XPO4: variants seen among roughly 807,000 people sequenced by gnomAD.
XPO4 encodes exportin-4.
In XPO4, 39 loss-of-function variants were observed where a neutral mutation model predicts 143.0. That is an observed-to-expected ratio of 0.27 (90% confidence interval 0.21 to 0.36). The LOEUF is 0.36. Ranked by LOEUF, XPO4 falls within the 10% of genes least tolerant of loss-of-function variation. The probability of loss-of-function intolerance (pLI) is 1.00; values close to 1 mark genes in which losing one functional copy is unlikely to be tolerated. For missense variants in XPO4, 907 were observed against 1,348.0 expected (o/e 0.67, Z 5.12); for synonymous variants, 439 against 474.0 (o/e 0.93, Z 0.96).
At chr13:20,788,447 CCAAGTAA>C (rs757911944) in intron 20 of XPO4, 32 bp downstream of exon 20, 5 of 1,576,610 alleles carry the variant, frequency 3.2e-6, no homozygotes, top group Admixed American at 2.0e-5. Context: ...ATCTTTTTCC[CCAAGTAA>C]CAAGTAACAG....
intron 18 of XPO4, 46 bp downstream of exon 18, chr13:20,796,030 A>C: frequency 6.6e-7 from 1 of 1,525,446 alleles, no homozygotes. Flanking sequence ...ATTTAATAAA[A>C]AGGAGGATAA....
chr13:20,887,611 T>C (rs762842730), intron 1 of XPO4, among the ~76,000 whole-genome samples: 3 of 152,098 alleles, frequency 2.0e-5, no homozygotes, highest in Non-Finnish European at 2.9e-5. Flanking sequence ...TCCCAGCACT[T>C]TGGGAGGCTG....
At chr13:20,853,124 A>C in intron 4 of XPO4, 1 of 797,770 alleles carries the variant, frequency 1.3e-6, no homozygotes, top group Non-Finnish European at 1.5e-6. Flanking sequence ...TGAGCCCAGG[A>C]GTTCGAGACC....
chr13:20,877,027 G>A (rs1204897505), intron 1 of XPO4, among the ~76,000 whole-genome samples: 3 of 152,034 alleles, frequency 2.0e-5, no homozygotes, highest in African/African-American at 7.2e-5. Flanking sequence ...GACACAGAGT[G>A]CTGATTGGTG....
chr13:20,865,632 AAAAGTT>A (rs1223444477), intron 2 of XPO4: 21 of 958,580 alleles, frequency 2.2e-5, no homozygotes, highest in Admixed American at 1.2e-4. Flanking sequence ...ACATGAAGAC[AAAAGTT>A]AAAGTTAATA....
At chr13:20,787,725 T>C (rs2059224270) in intron 20 of XPO4, 127 bp from the exon 21 acceptor site, 7 of 690,092 alleles carry the variant, frequency 1.0e-5, no homozygotes, top group Admixed American at 5.2e-5. Context: ...AGTAGACTCA[T>C]GGGCAATATC....
chr13:20,853,119 C>G (rs1350405173), intron 4 of XPO4: 1 of 879,680 alleles, frequency 1.1e-6, no homozygotes, highest in African/African-American at 1.8e-5. Context: ...TCACTTGAGC[C>G]CAGGAGTTCG....
rs770934455 is a variant in XPO4 at position 20,809,260 on chromosome 13, T to C, written c.1351-35A>G. On this transcript the variant is annotated intron_variant, in intron 10 of 22. Coordinates refer to ENST00000255305, the MANE Select transcript of XPO4 (RefSeq NM_022459.5). ...GTAAAAGAAATAAACAATGAGGAACTGCATTGCCTATTCAACGTGCACTTC... is the reference window on the plus strand; with the variant it reads ...GTAAAAGAAATAAACAATGAGGAACCGCATTGCCTATTCAACGTGCACTTC... 5 of 1,603,538 alleles carry C rather than the reference T, an allele frequency of 3.1e-6. No individual in the cohort carries two copies. In the South Asian group the frequency reaches 4.5e-5, roughly 14 times the overall value.
intron 18 of XPO4, among the ~76,000 whole-genome samples, chr13:20,792,267 A>C (rs1436947810): frequency 2.0e-5 from 3 of 152,096 alleles, no homozygotes; most frequent in Non-Finnish European, 4.4e-5. Flanking sequence ...CCAACATGGC[A>C]AAACCCCATC....
At chr13:20,816,767 T>C (rs964466634) in intron 9 of XPO4, among the ~76,000 whole-genome samples, 4 of 152,248 alleles carry the variant, frequency 2.6e-5, no homozygotes, top group Non-Finnish European at 5.9e-5. Flanking sequence ...TACATGGTTA[T>C]CATCCAATTA....
chr13:20,807,347 T>C, intron 13 of XPO4, 110 bp downstream of exon 13: 2 of 1,114,630 alleles, frequency 1.8e-6, no homozygotes, highest in Non-Finnish European at 2.5e-6. Context: ...TTCATTTTTT[T>C]CATGTATCAG....
chr13:20,851,347 GA>G (rs1312307880), intron 4 of XPO4: 1 of 985,116 alleles, frequency 1.0e-6, no homozygotes, highest in African/African-American at 1.7e-5. Context: ...CTGCAATCCT[GA>G]AATTAAATTC....
In XPO4 at chr13:20,834,640, A is replaced by AT. The variant is rs1478774005; in HGVS notation, c.728-7462_728-7461insA. ...CTGGAAACTATAAAACAGTGTTGAA[A>AT]GAAATAAAAAAAAAAAACCTTTAAT... On this transcript the variant is annotated intron_variant, in intron 6 of 22. Transcript: ENST00000255305. Among the ~76,000 whole-genome samples the AT allele has an allele frequency of 1.2e-4, 17 of 136,238 alleles. No individual in the cohort carries two copies. In the East Asian group the frequency reaches 6.9e-3, roughly 56 times the overall value. 89.4% of individuals were successfully genotyped at this position (136,238 alleles called of 152,430 possible). A position where few individuals can be genotyped will look rare whatever the true frequency, so the allele number is the denominator to read the frequency against.
rs2059206350 is a variant in XPO4 at position 20,786,323 on chromosome 13, A to ATATATATG, written c.3258+641_3258+642insCATATATA. Among the ~76,000 whole-genome samples the ATATATATG allele has an allele frequency of 1.3e-5, 2 of 151,004 alleles. 1 individual carries two copies. The highest frequency in any genetic ancestry group is 4.2e-4 in the South Asian group (2 of 4,758). On this transcript the variant is annotated intron_variant, in intron 22 of 22. Coordinates refer to ENST00000255305, the MANE Select transcript of XPO4 (RefSeq NM_022459.5). ...CGTGTGTGTGTATATATATATATAT[A>ATATATATG]TATATGTACCTTACATATATATGTG...
rs1455823464 is a variant in XPO4, at chr13:20,857,454, G to A, written c.318-1689C>T. ...TAAAAATCAAATCAGAAGGCCGGGC[G>A]CAGTGGCTCACGCCTGTAATCCCAG... On this transcript the variant is annotated intron_variant, in intron 3 of 22. Coordinates refer to ENST00000255305, the MANE Select transcript of XPO4 (RefSeq NM_022459.5). Among the ~76,000 whole-genome samples the A allele has an allele frequency of 3.3e-5, 5 of 152,214 alleles. No homozygotes were observed. The South Asian group carries it at 6.2e-4, about 19-fold the overall frequency.
intron 6 of XPO4, among the ~76,000 whole-genome samples, chr13:20,827,621 A>AT (rs1389379331): frequency 2.0e-5 from 3 of 152,300 alleles, no homozygotes; most frequent in Middle Eastern, 3.4e-3. Flanking sequence ...GAAAAATAGC[A>AT]TTTTTCCAGA....
chr13:20,849,348 G>A (rs1032120560), intron 4 of XPO4: 1 of 985,380 alleles, frequency 1.0e-6, no homozygotes, highest in African/African-American at 1.7e-5. Context: ...CTCTAGTATG[G>A]CAAAGAGGAA....
intron 16 of XPO4, among the ~76,000 whole-genome samples, chr13:20,797,454 C>T (rs1482532755): frequency 1.1e-4 from 17 of 152,154 alleles, no homozygotes; most frequent in Admixed American, 1.1e-3. Context: ...CTGTTTTTTT[C>T]CTTTTTCCTT....
chr13:20,867,661 C>A (rs2060256002), intron 2 of XPO4, among the ~76,000 whole-genome samples: 1 of 152,140 alleles, frequency 6.6e-6, no homozygotes, highest in Non-Finnish European at 1.5e-5. Flanking sequence ...ATATGTAAAG[C>A]ACCTTTAACA....
Sources: gnomAD v4.1 joint callset for allele counts (sites outside exome capture counted in the v4.1 genomes callset) on GRCh38, gnomAD v4.1.1 for gene constraint, MANE v1.5 for transcripts, NCBI Gene and HGNC (gene_info 2026-07-23, HGNC 2026-07-21) for gene names.